Variants in GLI3 observed in about 807,000 individuals in gnomAD.
GLI3 encodes transcription activator GLI3.
GLI3 carries 20 observed loss-of-function variants against 100.8 expected under a neutral mutation model. The observed-to-expected ratio is 0.20, with a 90% CI of 0.14 to 0.29. GLI3 has a LOEUF of 0.29. Ranked by LOEUF, GLI3 falls within the 10% of genes least tolerant of loss-of-function variation. The pLI, the probability that GLI3 is intolerant of heterozygous loss-of-function variation, is 1.00. For missense variants in GLI3, 2,040 were observed against 2,128.5 expected (o/e 0.96, Z 0.82); for synonymous variants, 938 against 860.5 (o/e 1.09, Z -1.58).
chr7:42,131,842 G>T (rs972355754), intron 3 of GLI3, among the ~76,000 whole-genome samples: 1 of 151,828 alleles, frequency 6.6e-6, no homozygotes, highest in Non-Finnish European at 1.5e-5. Flanking sequence ...GAAAGAAGAG[G>T]GCAGAGTATT....
At chr7:42,012,334 A>T (rs1486048269) in intron 10 of GLI3, among the ~76,000 whole-genome samples, 1 of 152,196 alleles carries the variant, frequency 6.6e-6, no homozygotes, top group Non-Finnish European at 1.5e-5. Context: ...AACTACTGTA[A>T]AAGGCACCAC....
At chr7:42,218,228 C>G (rs1788414638) in intron 2 of GLI3, among the ~76,000 whole-genome samples, 1 of 152,034 alleles carries the variant, frequency 6.6e-6, no homozygotes, top group South Asian at 2.1e-4. Context: ...AACTCACAAC[C>G]TATGTTCTTT....
At chr7:42,068,445 A>G (rs765593066) in intron 4 of GLI3, among the ~76,000 whole-genome samples, 8 of 152,274 alleles carry the variant, frequency 5.3e-5, no homozygotes, top group Non-Finnish European at 1.2e-4. Context: ...AGCTCCAAGG[A>G]TGAGTTTCAA....
intron 3 of GLI3, among the ~76,000 whole-genome samples, chr7:42,078,875 G>A (rs765708930): frequency 1.4e-4 from 22 of 151,888 alleles, no homozygotes; most frequent in South Asian, 8.4e-4. Context: ...GACTACAGGC[G>A]CCCGCCACCA....
chr7:42,230,103 G>T (rs1303542307), intron 1 of GLI3, among the ~76,000 whole-genome samples: 4 of 107,042 alleles, frequency 3.7e-5, no homozygotes, highest in South Asian at 3.7e-4. Flanking sequence ...TTGGGCGGGG[G>T]GGGGGGGGGT....
intron 2 of GLI3, among the ~76,000 whole-genome samples, chr7:42,203,438 T>C (rs1788085721): frequency 6.6e-6 from 1 of 152,210 alleles, no homozygotes; most frequent in Non-Finnish European, 1.5e-5. Flanking sequence ...TTCTACTCTC[T>C]ACTTCAATTT....
At chr7:42,075,013 C>T (rs1038381277) in intron 4 of GLI3, among the ~76,000 whole-genome samples, 1 of 152,196 alleles carries the variant, frequency 6.6e-6, no homozygotes, top group East Asian at 1.9e-4. Context: ...CCAGATGTGA[C>T]GCATCTTGTC....
chr7:42,231,605 C>T (rs142973574), intron 1 of GLI3, among the ~76,000 whole-genome samples: 37 of 152,344 alleles, frequency 2.4e-4, no homozygotes, highest in African/African-American at 8.2e-4. Context: ...CTGCTCCACA[C>T]GTCTGGCCAC....
chr7:42,004,204 T>C (rs1460533726), intron 10 of GLI3, among the ~76,000 whole-genome samples: 1 of 152,200 alleles, frequency 6.6e-6, no homozygotes, highest in Non-Finnish European at 1.5e-5. Context: ...TTCCCTTTAA[T>C]ACCAGATACA....
intron 10 of GLI3, among the ~76,000 whole-genome samples, chr7:42,000,045 C>T (rs1032206808): frequency 1.3e-5 from 2 of 152,136 alleles, no homozygotes; most frequent in Admixed American, 6.5e-5. Flanking sequence ...GCTGAATGCC[C>T]GTCAATCACA....
At chr7:42,152,212 T>C in intron 2 of GLI3, 1 of 161,486 alleles carries the variant, frequency 6.2e-6, no homozygotes, top group Non-Finnish European at 1.3e-5. Context: ...AATTAGCTGA[T>C]TAGGAGCTCA....
At chr7:42,129,865 G>C (rs901552209) in intron 3 of GLI3, among the ~76,000 whole-genome samples, 1 of 152,038 alleles carries the variant, frequency 6.6e-6, no homozygotes, top group African/African-American at 2.4e-5. Context: ...GGACACACCC[G>C]TGACAGTCAG....
At chr7:42,245,041 A>G (rs1788958035) in intron 1 of GLI3, among the ~76,000 whole-genome samples, 2 of 152,242 alleles carry the variant, frequency 1.3e-5, no homozygotes, top group Non-Finnish European at 2.9e-5. Context: ...CTCACGTCCC[A>G]GAATCATAAA....
At chr7:42,203,395 C>T (rs1307872357) in intron 2 of GLI3, among the ~76,000 whole-genome samples, 2 of 152,132 alleles carry the variant, frequency 1.3e-5, no homozygotes, top group African/African-American at 4.8e-5. Context: ...GTCCTGTCCC[C>T]CAAGTGCCCC....
intron 4 of GLI3, among the ~76,000 whole-genome samples, chr7:42,059,511 A>C (rs192888174): frequency 1.4e-3 from 216 of 151,060 alleles, no homozygotes; most frequent in Non-Finnish European, 2.2e-3. Context: ...TAATATAATA[A>C]AAATAAATAT....
intron 2 of GLI3, among the ~76,000 whole-genome samples, chr7:42,199,293 G>T (rs1787991094): frequency 6.6e-6 from 1 of 152,144 alleles, no homozygotes; most frequent in African/African-American, 2.4e-5. Context: ...TTCCATTGTT[G>T]ATCCACAGAC....
intron 3 of GLI3, among the ~76,000 whole-genome samples, chr7:42,130,704 T>TA (rs1306388910): frequency 1.3e-5 from 2 of 152,110 alleles, no homozygotes; most frequent in Non-Finnish European, 2.9e-5. Context: ...ACACAGCAGA[T>TA]AAAATTATTA....
At chr7:42,072,230 A>G (rs1321274420) in intron 4 of GLI3, among the ~76,000 whole-genome samples, 1 of 152,238 alleles carries the variant, frequency 6.6e-6, no homozygotes, top group African/African-American at 2.4e-5. Flanking sequence ...CCTGCTTTGG[A>G]AAATGAATTG....
At chr7:42,050,837 G>C (rs565840749) in intron 4 of GLI3, among the ~76,000 whole-genome samples, 1 of 152,212 alleles carries the variant, frequency 6.6e-6, no homozygotes, top group Non-Finnish European at 1.5e-5. Flanking sequence ...GTTGAGAAGA[G>C]TGGTAAGAAT....
Sources: allele counts gnomAD v4.1 joint callset (sites outside exome capture counted in the v4.1 genomes callset), GRCh38; gene constraint gnomAD v4.1.1; transcripts MANE v1.5; gene names NCBI Gene and HGNC (gene_info 2026-07-23, HGNC 2026-07-21).